The following PTPRJ variants were observed in gnomAD, a reference collection of about 807,000 sequenced individuals.
The protein encoded by PTPRJ is protein tyrosine phosphatase receptor type J.
Under a neutral mutation model 141.3 loss-of-function variants are expected in PTPRJ, and 129 were observed. The observed-to-expected ratio is 0.91, with a 90% CI of 0.79 to 1.06. The LOEUF (loss-of-function observed/expected upper bound fraction) is 1.06. PTPRJ is among the 50% of genes least tolerant of loss of function. The pLI, the probability that PTPRJ is intolerant of heterozygous loss-of-function variation, is 0.00. For synonymous variants in PTPRJ, 610 were observed against 640.5 expected (o/e 0.95, Z 0.72); for missense variants, 1,601 against 1,679.7 (o/e 0.95, Z 0.82).
rs113014902 is a variant in PTPRJ, at chr11:48,037,153, C to G, written c.96+56145C>G. On this transcript the variant is annotated intron_variant, in intron 1 of 24. Coordinates refer to ENST00000418331, the MANE Select transcript of PTPRJ (RefSeq NM_002843.4). ...GATTCAGAACTTTTGTAGAGTGCCT[C>G]GGAGTTCCTATTTGGAAATATCAGT... is the stretch of plus-strand genomic sequence containing the variant. 6.7e-3 allele frequency among the ~76,000 whole-genome samples: 1,014 copies of G among 152,260 alleles called. 14 individuals are homozygous for G. The highest frequency in any genetic ancestry group is 0.023 in the African/African-American group (941 of 41,522).
chr11:48,114,417 G>A (rs1333389907), intron 3 of PTPRJ, among the ~76,000 whole-genome samples: 5 of 109,094 alleles, frequency 4.6e-5, no homozygotes, highest in African/African-American at 1.4e-4. Flanking sequence ...CCGACAGAGT[G>A]AGACTCTGTC....
At chr11:47,987,406 A>G (rs1854079173) in intron 1 of PTPRJ, among the ~76,000 whole-genome samples, 1 of 152,176 alleles carries the variant, frequency 6.6e-6, no homozygotes, top group African/African-American at 2.4e-5. Flanking sequence ...TTATGACCAA[A>G]TTGTAAAGAT....
intron 1 of PTPRJ, among the ~76,000 whole-genome samples, chr11:48,060,253 A>C (rs961282551): frequency 6.6e-6 from 1 of 152,206 alleles, no homozygotes. Context: ...TAATATTTGA[A>C]TGCAATTTTA....
At chr11:48,099,773 C>T (rs962666415) in intron 1 of PTPRJ, among the ~76,000 whole-genome samples, 1 of 152,108 alleles carries the variant, frequency 6.6e-6, no homozygotes, top group Non-Finnish European at 1.5e-5. Context: ...CTTAGGATGA[C>T]TGGATGGGTT....
At chr11:47,985,633 A>G (rs1854029585) in intron 1 of PTPRJ, among the ~76,000 whole-genome samples, 1 of 152,170 alleles carries the variant, frequency 6.6e-6, no homozygotes, top group Non-Finnish European at 1.5e-5. Flanking sequence ...AGTCATGGAG[A>G]AGGTTTTCTG....
chr11:48,144,603 T>C (rs1857309326), intron 12 of PTPRJ, 72 bp from the exon 13 acceptor site: 3 of 1,221,628 alleles, frequency 2.5e-6, no homozygotes, highest in African/African-American at 1.5e-5. Flanking sequence ...ATCACCACCA[T>C]GTAGATATGC....
At chr11:48,103,820 T>A (rs1194181578) in intron 1 of PTPRJ, among the ~76,000 whole-genome samples, 1 of 152,198 alleles carries the variant, frequency 6.6e-6, no homozygotes, top group Admixed American at 6.5e-5. Context: ...CGGCTGTGCG[T>A]CTCAAAGTCC....
intron 21 of PTPRJ, among the ~76,000 whole-genome samples, chr11:48,156,616 A>G (rs1404698882): frequency 7.7e-6 from 1 of 129,542 alleles, no homozygotes. Context: ...TTTTTTTGAG[A>G]CAGGGTCTCC....
chr11:47,999,898 C>G (rs1854446691), intron 1 of PTPRJ, among the ~76,000 whole-genome samples: 1 of 145,924 alleles, frequency 6.9e-6, no homozygotes, highest in Non-Finnish European at 1.5e-5. Context: ...GCTCTGTCAC[C>G]CAGGCTGGAG....
rs545611744 is a variant in PTPRJ, at chr11:48,081,574, G to A, written c.97-28484G>A. Among the ~76,000 whole-genome samples, 8 of 152,144 alleles carry A rather than the reference G, an allele frequency of 5.3e-5. No homozygotes were observed. The South Asian group carries it at 1.2e-3, about 24-fold the overall frequency. On this transcript the variant is annotated intron_variant, in intron 1 of 24. Transcript: ENST00000418331. ...CGGCTGGCTTTTGTGTTGGTCGGTC[G>A]CCACAAATGTGTGGCTGTTGTTCAA...
At chr11:48,007,534 C>G (rs973497656) in intron 1 of PTPRJ, among the ~76,000 whole-genome samples, 1 of 152,156 alleles carries the variant, frequency 6.6e-6, no homozygotes, top group Non-Finnish European at 1.5e-5. Flanking sequence ...TCCTGAGTAG[C>G]TGGGATTACA....
At chr11:48,166,924 T>A (rs1177120579) in intron 24 of PTPRJ, among the ~76,000 whole-genome samples, 1 of 152,172 alleles carries the variant, frequency 6.6e-6, no homozygotes, top group African/African-American at 2.4e-5. Flanking sequence ...TCCTCCTTCC[T>A]TTGCCCTTCC....
At chr11:48,028,930 C>T (rs1380983544) in intron 1 of PTPRJ, among the ~76,000 whole-genome samples, 1 of 152,208 alleles carries the variant, frequency 6.6e-6, no homozygotes, top group African/African-American at 2.4e-5. Flanking sequence ...CAAGTTAGGA[C>T]CCCTGAAAAT....
intron 1 of PTPRJ, among the ~76,000 whole-genome samples, chr11:48,010,811 T>C (rs560459099): frequency 2.6e-5 from 4 of 152,226 alleles, no homozygotes; most frequent in Admixed American, 6.5e-5. Flanking sequence ...GCTGGAAATA[T>C]AGGTGTGAGC....
chr11:48,155,694 C>G, intron 19 of PTPRJ, 107 bp from the exon 20 acceptor site: 1 of 877,924 alleles, frequency 1.1e-6, no homozygotes, highest in Non-Finnish European at 1.8e-6. Flanking sequence ...TTCAAAGACA[C>G]AAGTCCCAGT....
At chr11:48,109,512 T>G (rs975412267) in intron 1 of PTPRJ, among the ~76,000 whole-genome samples, 2 of 152,162 alleles carry the variant, frequency 1.3e-5, no homozygotes, top group Admixed American at 6.5e-5. Context: ...TTAAAAATTT[T>G]TACTGCCACC....
intron 1 of PTPRJ, among the ~76,000 whole-genome samples, chr11:48,084,985 C>T (rs145075311): frequency 4.6e-5 from 7 of 152,072 alleles, no homozygotes; most frequent in Non-Finnish European, 7.4e-5. Flanking sequence ...AAAAGTTCAC[C>T]GACACAGTTT....
At chr11:48,005,459 T>A (rs955035506) in intron 1 of PTPRJ, among the ~76,000 whole-genome samples, 2 of 152,224 alleles carry the variant, frequency 1.3e-5, no homozygotes, top group African/African-American at 4.8e-5. Context: ...TGTGTGTCCT[T>A]TTGATTCTGG....
At chr11:48,104,675 G>T (rs1856241772) in intron 1 of PTPRJ, among the ~76,000 whole-genome samples, 1 of 152,200 alleles carries the variant, frequency 6.6e-6, no homozygotes, top group Admixed American at 6.5e-5. Flanking sequence ...TGCTCCTTTT[G>T]AGAAACTTGT....
Sources: allele counts gnomAD v4.1 joint callset (sites outside exome capture counted in the v4.1 genomes callset), GRCh38; gene constraint gnomAD v4.1.1; transcripts MANE v1.5; gene names NCBI Gene and HGNC (gene_info 2026-07-23, HGNC 2026-07-21).